The following MBNL2 variants were observed in gnomAD, a reference collection of about 807,000 sequenced individuals.
MBNL2 encodes the protein muscleblind-like protein 2.
In MBNL2, 17 loss-of-function variants were observed where a neutral mutation model predicts 41.9. The ratio of observed to expected loss-of-function variants is 0.41; its 90% CI spans 0.28 to 0.61. MBNL2 has a LOEUF of 0.61. Ranked by LOEUF, MBNL2 falls within the 20% of genes least tolerant of loss-of-function variation. The pLI is 0.35. For synonymous variants in MBNL2, 195 were observed against 182.9 expected (o/e 1.07, Z -0.53); for missense variants, 336 against 505.6 (o/e 0.66, Z 3.22).
rs1225396446 is a variant in MBNL2 at position 97,346,478 on chromosome 13, C to T, written c.541-326C>T. On this transcript the variant is annotated intron_variant, in intron 4 of 8. Coordinates refer to ENST00000679496, the MANE Select transcript of MBNL2 (RefSeq NM_001382683.1). This position sits in a 1 kb window ranked among gnomAD's most constrained non-coding sequence, Gnocchi z 4.2. ...ATGGATGGATGGATAGACAGACAGA[C>T]AGATCGATAGACAGCTGCATAATAT... Among the ~76,000 whole-genome samples, 1 of 151,856 alleles carries T rather than the reference C, an allele frequency of 6.6e-6. No homozygotes were observed. The highest frequency in any genetic ancestry group is 1.5e-5 in the Non-Finnish European group (1 of 67,840).
At chr13:97,245,974 C>G (rs1377159856) in intron 1 of MBNL2, among the ~76,000 whole-genome samples, 1 of 152,114 alleles carries the variant, frequency 6.6e-6, no homozygotes, top group East Asian at 1.9e-4. Context: ...GATTTACTTT[C>G]AGAATGTTTT....
chr13:97,274,647 A>G (rs1203669655), intron 1 of MBNL2, among the ~76,000 whole-genome samples: 1 of 152,218 alleles, frequency 6.6e-6, no homozygotes, highest in Non-Finnish European at 1.5e-5. Context: ...GCAGGTATGT[A>G]AGGTCATTTG....
intron 2 of MBNL2, among the ~76,000 whole-genome samples, chr13:97,310,453 G>A (rs1474149645): frequency 4.1e-5 from 6 of 147,562 alleles, no homozygotes; most frequent in South Asian, 2.1e-4. Context: ...TTTTTGAGAC[G>A]GAGTCTCACT....
intron 3 of MBNL2, among the ~76,000 whole-genome samples, chr13:97,340,093 C>T (rs1048964447): frequency 6.6e-6 from 1 of 152,198 alleles, no homozygotes; most frequent in Admixed American, 6.5e-5. Context: ...GCACTTGCTT[C>T]TCATGGATTT....
At chr13:97,244,410 C>A (rs1233774952) in intron 1 of MBNL2, among the ~76,000 whole-genome samples, 1 of 152,148 alleles carries the variant, frequency 6.6e-6, no homozygotes, top group East Asian at 1.9e-4. Flanking sequence ...AGATCAAGAT[C>A]AGAAAAGCCA....
intron 2 of MBNL2, among the ~76,000 whole-genome samples, chr13:97,287,920 T>TTTG: frequency 8.5e-6 from 1 of 118,268 alleles, no homozygotes; most frequent in African/African-American, 3.2e-5. Flanking sequence ...AATTTTCTGT[T>TTTG]TTTTTTTTGT....
At chr13:97,389,743 CA>C (rs2066250110) in intron 8 of MBNL2, among the ~76,000 whole-genome samples, 1 of 151,296 alleles carries the variant, frequency 6.6e-6, no homozygotes, top group African/African-American at 2.4e-5. Context: ...AAAGAAACTG[CA>C]ATTTTTTTTC....
At chr13:97,274,527 A>G (rs1214560184) in intron 1 of MBNL2, among the ~76,000 whole-genome samples, 1 of 152,126 alleles carries the variant, frequency 6.6e-6, no homozygotes, top group African/African-American at 2.4e-5. Flanking sequence ...AAAAAAAAAA[A>G]ATTATTGCTC....
intron 2 of MBNL2, among the ~76,000 whole-genome samples, chr13:97,332,877 G>A (rs1189933071): frequency 2.0e-5 from 3 of 152,170 alleles, no homozygotes; most frequent in South Asian, 2.1e-4. Context: ...AGAGGGTGAC[G>A]CAACTATTAA....
chr13:97,165,164 A>G, the MBNL2 span, among the ~76,000 whole-genome samples: 1 of 152,194 alleles, frequency 6.6e-6, no homozygotes, highest in Non-Finnish European at 1.5e-5. Context: ...AGATCATGCC[A>G]CTGCACTCCA....
chr13:97,192,062 C>T, the MBNL2 span, among the ~76,000 whole-genome samples: 5 of 152,120 alleles, frequency 3.3e-5, no homozygotes, highest in Non-Finnish European at 7.3e-5. Context: ...CAGAAATAAC[C>T]TGACCCCAGG....
At chr13:97,168,458 C>T in the MBNL2 span, among the ~76,000 whole-genome samples, 1 of 152,158 alleles carries the variant, frequency 6.6e-6, no homozygotes, top group African/African-American at 2.4e-5. Context: ...AAATTTTGCA[C>T]TCCCCATCCT....
chr13:97,391,569 A>G lies in MBNL2; in HGVS notation c.*120A>G. The G allele has an allele frequency of 1.5e-6, 1 of 677,886 alleles. No individual in the cohort carries two copies. Among genetic ancestry groups the G allele is most frequent in the Non-Finnish European group, 2.6e-6 (1 of 383,782 alleles). The allele number at this position is 677,886 out of a possible 1,614,324, so 42.0% of individuals were successfully genotyped here. A position where few individuals can be genotyped will look rare whatever the true frequency, so the allele number is the denominator to read the frequency against. ...CCAACCTAAGATAGTTAACTACCTGAGACCAGCTGTGATGTTTAAAGACAT... is the reference window on the plus strand; with the variant it reads ...CCAACCTAAGATAGTTAACTACCTGGGACCAGCTGTGATGTTTAAAGACAT... On this transcript the variant is annotated 3_prime_UTR_variant, in exon 9 of 9. Coordinates refer to ENST00000679496, the MANE Select transcript of MBNL2 (RefSeq NM_001382683.1).
At chr13:97,198,930 T>C in the MBNL2 span, among the ~76,000 whole-genome samples, 4 of 152,156 alleles carry the variant, frequency 2.6e-5, no homozygotes, top group Non-Finnish European at 4.4e-5. Flanking sequence ...CTATTCTCAG[T>C]GTGTGAGTCA....
chr13:97,254,860 C>A (rs1218768263), intron 1 of MBNL2, among the ~76,000 whole-genome samples: 3 of 152,210 alleles, frequency 2.0e-5, no homozygotes, highest in Non-Finnish European at 2.9e-5. Context: ...AGCCCAGGTA[C>A]TCTTGGGTGG....
rs563335657 is a variant in MBNL2, at chr13:97,268,197, T to G, written c.-604-7435T>G. On this transcript the variant is annotated intron_variant, in intron 1 of 8. Transcript: ENST00000679496. The surrounding 1 kb of genome is among the most constrained non-coding windows in gnomAD (Gnocchi z 4.6). Reference sequence around the variant, plus strand: ...GCAACCTCTGCCTCCTGGGTTCAAGTGATTCTCATGTCTCAGCCTCCTGAA... The same window carrying G: ...GCAACCTCTGCCTCCTGGGTTCAAGGGATTCTCATGTCTCAGCCTCCTGAA... Among the ~76,000 whole-genome samples the G allele has an allele frequency of 6.6e-6, 1 of 152,238 alleles. No individual in the cohort carries two copies. The highest frequency in any genetic ancestry group is 1.9e-4 in the East Asian group (1 of 5,174).
rs572592345 is a variant in MBNL2 at position 97,346,187 on chromosome 13, G to T, written c.541-617G>T. ...ATAGATGATAGATAATATTAGGTTG[G>T]TGCAAAAGTAATTGCAGTTTTTACC... On this transcript the variant is annotated intron_variant, in intron 4 of 8. Transcript: ENST00000679496. This position sits in a 1 kb window ranked among gnomAD's most constrained non-coding sequence, Gnocchi z 4.2. Among the ~76,000 whole-genome samples, 1 of 152,166 alleles carries T rather than the reference G, an allele frequency of 6.6e-6. No individual in the cohort carries two copies. The highest frequency in any genetic ancestry group is 1.9e-4 in the East Asian group (1 of 5,178).
chr13:97,288,968 C>T (rs557820404), intron 2 of MBNL2, among the ~76,000 whole-genome samples: 1 of 152,244 alleles, frequency 6.6e-6, no homozygotes, highest in Non-Finnish European at 1.5e-5. Context: ...CAATATTAAG[C>T]TCTGTAGAAC....
chr13:97,310,783 T>G (rs1310775164), intron 2 of MBNL2, among the ~76,000 whole-genome samples: 1 of 8,704 alleles, frequency 1.1e-4, no homozygotes, highest in East Asian at 0.083. Flanking sequence ...ATTCAGCATC[T>G]TTTTTTTTTT....
Sources: gnomAD v4.1 joint callset for allele counts (sites outside exome capture counted in the v4.1 genomes callset) on GRCh38, gnomAD v4.1.1 for gene constraint, Gnocchi (gnomAD v3.1) non-coding constraint, MANE v1.5 for transcripts, NCBI Gene and HGNC (gene_info 2026-07-23, HGNC 2026-07-21) for gene names.